The following FARS2 variants were observed in gnomAD, a reference collection of about 807,000 sequenced individuals.
FARS2 encodes phenylalanine--tRNA ligase, mitochondrial.
Under a neutral mutation model 46.4 loss-of-function variants are expected in FARS2, and 40 were observed. The observed-to-expected ratio is 0.86, with a 90% CI of 0.67 to 1.12. The LOEUF (loss-of-function observed/expected upper bound fraction) is 1.12. FARS2 is among the 50% of genes most tolerant of loss of function. The pLI is 0.00. For synonymous variants in FARS2, 234 were observed against 214.9 expected, an observed-to-expected ratio of 1.09 and a Z score of -0.78; for missense variants, 513 against 567.9, an observed-to-expected ratio of 0.90 and a Z score of 0.98.
intron 1 of FARS2, among the ~76,000 whole-genome samples, chr6:5,294,659 C>G (rs1767731109): frequency 6.6e-6 from 1 of 152,126 alleles, no homozygotes; most frequent in African/African-American, 2.4e-5. Context: ...TCACAGGACT[C>G]AGGGGAAAAC....
In FARS2 at chr6:5,271,560, G is replaced by GTTTT. The variant is rs59053657; in HGVS notation, c.-22+9917_-22+9920dup. 1.9e-3 allele frequency among the ~76,000 whole-genome samples: 203 copies of GTTTT among 108,650 alleles called. 9 individuals are homozygous for GTTTT. Among genetic ancestry groups the GTTTT allele is most frequent in the Middle Eastern group, 0.011 (2 of 176 alleles). 71.3% of individuals were successfully genotyped at this position (108,650 alleles called of 152,430 possible). ...GTGTATAAGAACAGAGACTATGTCT[G>GTTTT]TTTTTTTTTTTTTTTTTTTTGAGGC... On this transcript the variant is annotated intron_variant, in intron 1 of 6. Coordinates refer to ENST00000274680, the MANE Select transcript of FARS2 (RefSeq NM_006567.5).
At chr6:5,365,645 C>T (rs946806548) in intron 1 of FARS2, among the ~76,000 whole-genome samples, 2 of 151,604 alleles carry the variant, frequency 1.3e-5, no homozygotes, top group Non-Finnish European at 2.9e-5. Context: ...AGCCACCACA[C>T]CCTACTGAGA....
rs1395675265 is a variant in FARS2 at position 5,380,714 on chromosome 6, G to C, written c.612+11532G>C. On this transcript the variant is annotated intron_variant, in intron 2 of 6. Coordinates refer to ENST00000274680, the MANE Select transcript of FARS2 (RefSeq NM_006567.5). ...TGCTATTTGACCAAGAATGCACCCT[G>C]TACTGGGTACTTTCATTGTCTTCGC... 2.0e-5 allele frequency among the ~76,000 whole-genome samples: 3 copies of C among 152,292 alleles called. No homozygotes were observed. The East Asian group carries it at 5.8e-4, about 29-fold the overall frequency.
At chr6:5,264,573 T>C (rs1765421162) in intron 1 of FARS2, among the ~76,000 whole-genome samples, 1 of 151,756 alleles carries the variant, frequency 6.6e-6, no homozygotes, top group South Asian at 2.1e-4. Context: ...GTCCGGCTAA[T>C]TTTTTGTATT....
intron 4 of FARS2, among the ~76,000 whole-genome samples, chr6:5,444,786 G>A (rs202005727): frequency 0.66 from 99,121 of 150,868 alleles, 34,066 homozygotes; most frequent in East Asian, 0.91. Context: ...AAAATGGGGC[G>A]GGGGGGAACT....
intron 6 of FARS2, among the ~76,000 whole-genome samples, chr6:5,655,839 A>C (rs1324267707): frequency 6.6e-6 from 1 of 152,132 alleles, no homozygotes; most frequent in East Asian, 1.9e-4. Flanking sequence ...CATTTTTAAA[A>C]CTCAGCTGGT....
At chr6:5,405,803 G>A (rs1002999646) in intron 3 of FARS2, among the ~76,000 whole-genome samples, 7 of 152,184 alleles carry the variant, frequency 4.6e-5, no homozygotes, top group African/African-American at 1.7e-4. Context: ...AGTGGAGCAA[G>A]GTTCTTAACC....
rs544426123 is a variant in FARS2 at position 5,721,393 on chromosome 6, C to T, written c.1218-49898C>T. On this transcript the variant is annotated intron_variant, in intron 6 of 6. Coordinates refer to ENST00000274680, the MANE Select transcript of FARS2 (RefSeq NM_006567.5). ...TTCATTCTTTGACACTCTACCAAAA[C>T]CGGAAAAGTAGTAGTTTTTTAAAAG... Among the ~76,000 whole-genome samples, 252 of 152,212 alleles carry T rather than the reference C, an allele frequency of 1.7e-3. 1 individual carries two copies. Among genetic ancestry groups the T allele is most frequent in the Non-Finnish European group, 1.8e-3 (123 of 67,996 alleles).
At chr6:5,603,241 A>C (rs944838043) in intron 5 of FARS2, among the ~76,000 whole-genome samples, 2 of 152,190 alleles carry the variant, frequency 1.3e-5, no homozygotes, top group Non-Finnish European at 2.9e-5. Context: ...GACTACAGGC[A>C]TGGACCACCA....
intron 1 of FARS2, among the ~76,000 whole-genome samples, chr6:5,302,716 C>A (rs1486028329): frequency 1.3e-5 from 2 of 152,158 alleles, no homozygotes; most frequent in Non-Finnish European, 2.9e-5. Context: ...TTACTGTGCA[C>A]TTCCTGACTG....
intron 6 of FARS2, among the ~76,000 whole-genome samples, chr6:5,650,475 G>A (rs1777297806): frequency 6.6e-6 from 1 of 151,962 alleles, no homozygotes; most frequent in African/African-American, 2.4e-5. Context: ...CTAACAAATT[G>A]CGGCATGGTG....
intron 1 of FARS2, among the ~76,000 whole-genome samples, chr6:5,368,063 G>A (rs781714530): frequency 3.9e-5 from 6 of 152,182 alleles, no homozygotes; most frequent in Non-Finnish European, 7.3e-5. Flanking sequence ...CGGCAGAAAT[G>A]TGAAGGATGG....
intron 6 of FARS2, among the ~76,000 whole-genome samples, chr6:5,699,167 C>G (rs1758274748): frequency 6.6e-6 from 1 of 152,202 alleles, no homozygotes; most frequent in African/African-American, 2.4e-5. Flanking sequence ...GATAGGGTTA[C>G]TTCTCCACAG....
intron 4 of FARS2, among the ~76,000 whole-genome samples, chr6:5,541,904 A>G (rs1476736226): frequency 1.3e-5 from 2 of 152,216 alleles, no homozygotes; most frequent in Non-Finnish European, 2.9e-5. Flanking sequence ...GGCAATTCCC[A>G]GAAGTGAGGG....
intron 5 of FARS2, among the ~76,000 whole-genome samples, chr6:5,610,784 G>A (rs1582579212): frequency 1.3e-5 from 2 of 152,206 alleles, no homozygotes; most frequent in East Asian, 3.8e-4. Flanking sequence ...CTATGGTTGT[G>A]GGTTATCAAG....
rs115101818 is a variant in FARS2 at position 5,578,397 on chromosome 6, G to A, written c.1065+33057G>A. Among the ~76,000 whole-genome samples, 606 of 152,228 alleles carry A rather than the reference G, an allele frequency of 4.0e-3. 6 individuals carry two copies. The highest frequency in any genetic ancestry group is 0.014 in the African/African-American group (585 of 41,532). On this transcript the variant is annotated intron_variant, in intron 5 of 6. Transcript: ENST00000274680. ...CTTCACAGTACCCAGCTTGTGTCTC[G>A]TTCCATGTGTGAATGGCTGTGAAAA...
At chr6:5,365,359 TCTCA>T (rs2127635711) in intron 1 of FARS2, among the ~76,000 whole-genome samples, 1 of 117,394 alleles carries the variant, frequency 8.5e-6, no homozygotes, top group East Asian at 2.8e-4. Context: ...TGAGGCAGAG[TCTCA>T]CTCTGTCACC....
At chr6:5,521,688 G>C (rs1017525732) in intron 4 of FARS2, among the ~76,000 whole-genome samples, 1 of 152,206 alleles carries the variant, frequency 6.6e-6, no homozygotes, top group Non-Finnish European at 1.5e-5. Flanking sequence ...ATGATTGTCA[G>C]TCTTAATTAT....
chr6:5,487,342 C>T (rs1467817281), intron 4 of FARS2, among the ~76,000 whole-genome samples: 1 of 152,104 alleles, frequency 6.6e-6, no homozygotes, highest in Admixed American at 6.5e-5. Context: ...TTAGGGAGAA[C>T]CAGTCTCCAA....
Sources: allele counts gnomAD v4.1 joint callset (sites outside exome capture counted in the v4.1 genomes callset), GRCh38; gene constraint gnomAD v4.1.1; transcripts MANE v1.5; gene names NCBI Gene and HGNC (gene_info 2026-07-23, HGNC 2026-07-21).